Variants in RANBP2 observed in about 807,000 individuals in gnomAD.
The protein encoded by RANBP2 is E3 SUMO-protein ligase RanBP2.
A neutral mutation model predicts 303.6 loss-of-function variants in RANBP2; 57 were observed. The observed-to-expected ratio is 0.19, with a 90% CI of 0.15 to 0.23. The LOEUF is 0.23. RANBP2 is among the 10% of genes least tolerant of loss of function. RANBP2 has a pLI of 1.00. For missense variants in RANBP2, 3,138 were observed against 3,780.8 expected (o/e 0.83, Z 4.46); for synonymous variants, 1,167 against 1,301.5 (o/e 0.90, Z 2.23).
the RANBP2 span, among the ~76,000 whole-genome samples, chr2:109,339,682 C>G: frequency 6.6e-6 from 1 of 152,182 alleles, no homozygotes; most frequent in Non-Finnish European, 1.5e-5. Context: ...CTGCTGGGGA[C>G]TTGCTCAAGT....
At chr2:109,418,847 A>C in the RANBP2 span, among the ~76,000 whole-genome samples, 2 of 152,128 alleles carry the variant, frequency 1.3e-5, no homozygotes, top group African/African-American at 4.8e-5. Flanking sequence ...ACCTGGGGGC[A>C]GTGCTGCCCT....
the RANBP2 span, chr2:108,907,865 C>T: frequency 6.2e-7 from 1 of 1,613,542 alleles, no homozygotes; most frequent in Non-Finnish European, 8.5e-7. Context: ...CTCACCCCGG[C>T]TGACTTGTTG....
the RANBP2 span, among the ~76,000 whole-genome samples, chr2:109,351,683 T>C: frequency 2.0e-5 from 3 of 152,196 alleles, no homozygotes; most frequent in Non-Finnish European, 4.4e-5. Context: ...CCGCTGATCA[T>C]GGAATCACTT....
the RANBP2 span, among the ~76,000 whole-genome samples, chr2:109,249,509 C>CTTTCTTTCTTTCTT: frequency 1.5e-5 from 1 of 66,358 alleles, no homozygotes; most frequent in African/African-American, 5.6e-5. Flanking sequence ...TTCTTTCTTT[C>CTTTCTTTCTTTCTT]ATTCTTTCTT....
At chr2:109,370,439 C>CAT in the RANBP2 span, among the ~76,000 whole-genome samples, 1 of 151,990 alleles carries the variant, frequency 6.6e-6, no homozygotes, top group Non-Finnish European at 1.5e-5. Flanking sequence ...TGAGTTTCAC[C>CAT]ATATTGGTCA....
the RANBP2 span, among the ~76,000 whole-genome samples, chr2:109,734,158 G>A: frequency 7.6e-6 from 1 of 130,980 alleles, no homozygotes; most frequent in South Asian, 2.6e-4. Flanking sequence ...CAGCCAGGGT[G>A]ACAGAGAAAG....
the RANBP2 span, among the ~76,000 whole-genome samples, chr2:109,366,045 G>C: frequency 6.6e-6 from 1 of 151,564 alleles, no homozygotes; most frequent in Non-Finnish European, 1.5e-5. Context: ...TTAAATACTT[G>C]GTATTCACTG....
At chr2:109,015,333 C>T in the RANBP2 span, among the ~76,000 whole-genome samples, 45,458 of 151,862 alleles carry the variant, frequency 0.3, 7,340 homozygotes, top group Middle Eastern at 0.37. Context: ...CCTCAGCCCA[C>T]TCAATGTGAA....
At chr2:109,599,438 A>G in the RANBP2 span, among the ~76,000 whole-genome samples, 10 of 151,174 alleles carry the variant, frequency 6.6e-5, no homozygotes, top group Admixed American at 4.0e-4. Context: ...AGCCTGGGCA[A>G]AAGAGCAAGA....
the RANBP2 span, among the ~76,000 whole-genome samples, chr2:109,080,551 C>T: frequency 6.6e-6 from 1 of 152,114 alleles, no homozygotes; most frequent in African/African-American, 2.4e-5. Context: ...CTCACTGTCA[C>T]CCAGGATTGG....
chr2:108,793,585 CTTTTT>C, the RANBP2 span, among the ~76,000 whole-genome samples: 3 of 151,148 alleles, frequency 2.0e-5, no homozygotes, highest in Non-Finnish European at 3.0e-5. Context: ...CCTCAGGAAA[CTTTTT>C]TTTGTTTTGT....
chr2:109,317,915 G>A, the RANBP2 span, among the ~76,000 whole-genome samples: 1,271 of 152,188 alleles, frequency 8.4e-3, 15 homozygotes, highest in East Asian at 0.044. Context: ...GCAGCTCGCT[G>A]GCTGCACCGC....
In RANBP2 at chr2:108,749,026, T is replaced by C. The variant is rs539296863; in HGVS notation, c.1170T>C (p.Phe390=). 1 of 1,612,002 alleles carries C rather than the reference T, an allele frequency of 6.2e-7. No individual in the cohort carries two copies. Among genetic ancestry groups the C allele is most frequent in the East Asian group, 2.2e-5 (1 of 44,872 alleles). The change falls in exon 9 of 29, where the codon TTT becomes TTC. Residue 390 remains phenylalanine (F), a synonymous_variant. Coordinates refer to ENST00000283195, the MANE Select transcript of RANBP2 (RefSeq NM_006267.5). The part of the protein sequence containing the change: ...SGQSALYDAL[F]SSQSPKDTSF... Reference sequence around the variant, plus strand: ...AGTCTGCATTATATGATGCTCTGTTTTCTAGTCAGTCACCTAAGGATACAT... The same window carrying C: ...AGTCTGCATTATATGATGCTCTGTTCTCTAGTCAGTCACCTAAGGATACAT...
the RANBP2 span, among the ~76,000 whole-genome samples, chr2:109,427,989 G>A: frequency 1.2e-3 from 190 of 152,360 alleles, 2 homozygotes; most frequent in Admixed American, 6.1e-3. Flanking sequence ...CTGAGCTCCT[G>A]AGCCTGCTTC....
the RANBP2 span, among the ~76,000 whole-genome samples, chr2:109,025,767 T>C: frequency 1.4e-5 from 2 of 145,244 alleles, no homozygotes; most frequent in Non-Finnish European, 3.0e-5. Context: ...CACTGCACTC[T>C]AGCCTGGGCA....
chr2:109,514,265 G>A, the RANBP2 span, among the ~76,000 whole-genome samples: 1 of 152,306 alleles, frequency 6.6e-6, no homozygotes, highest in East Asian at 1.9e-4. Context: ...TCATAACTTG[G>A]TTACGGCTCT....
At chr2:109,182,756 C>T in the RANBP2 span, among the ~76,000 whole-genome samples, 1 of 152,078 alleles carries the variant, frequency 6.6e-6, no homozygotes, top group Non-Finnish European at 1.5e-5. Flanking sequence ...TAAATGATTT[C>T]TTATTTTTAA....
the RANBP2 span, among the ~76,000 whole-genome samples, chr2:108,993,535 C>T: frequency 6.6e-6 from 1 of 152,112 alleles, no homozygotes; most frequent in Non-Finnish European, 1.5e-5. Flanking sequence ...AGTATTTGCA[C>T]AGAGGGAGGG....
At chr2:108,819,901 C>T in the RANBP2 span, among the ~76,000 whole-genome samples, 26 of 151,808 alleles carry the variant, frequency 1.7e-4, no homozygotes, top group African/African-American at 5.8e-4. Context: ...AAACTGTAAC[C>T]GATAATTTAA....
Sources: gnomAD v4.1 joint callset for allele counts (sites outside exome capture counted in the v4.1 genomes callset) on GRCh38, gnomAD v4.1.1 for gene constraint, MANE v1.5 for transcripts, NCBI Gene and HGNC (gene_info 2026-07-23, HGNC 2026-07-21) for gene names.